Variants in PEAK1 observed in about 807,000 individuals in gnomAD.
PEAK1 encodes the protein inactive tyrosine-protein kinase PEAK1.
In PEAK1, 54 loss-of-function variants were observed where a neutral mutation model predicts 124.7. That is an observed-to-expected ratio of 0.43 (90% CI 0.35 to 0.54). The LOEUF is 0.54. Ranked by LOEUF, PEAK1 falls within the 20% of genes least tolerant of loss-of-function variation. PEAK1 has a pLI of 0.01. For missense variants in PEAK1, 2,046 were observed against 2,134.5 expected, an observed-to-expected ratio of 0.96 and a Z score of 0.82; for synonymous variants, 719 against 760.0, an observed-to-expected ratio of 0.95 and a Z score of 0.89.
intron 8 of PEAK1, among the ~76,000 whole-genome samples, chr15:77,151,391 T>C (rs1039401752): frequency 1.3e-5 from 2 of 152,248 alleles, no homozygotes; most frequent in Non-Finnish European, 2.9e-5. Context: ...TTTGAGTTCA[T>C]TGTAGATTCT....
intron 2 of PEAK1, chr15:77,351,026 T>C (rs2067176729): frequency 1.2e-6 from 1 of 850,664 alleles, no homozygotes; most frequent in Non-Finnish European, 1.4e-6. Context: ...AGAAATACCA[T>C]GCTGAATCAA....
intron 5 of PEAK1, chr15:77,278,871 C>G (rs1422690925): frequency 3.6e-6 from 1 of 278,056 alleles, no homozygotes; most frequent in African/African-American, 2.8e-5. Context: ...CTCACTCTAT[C>G]GCCCAGGCTG....
At chr15:77,347,624 T>A (rs2066945039) in intron 2 of PEAK1, 1 of 984,540 alleles carries the variant, frequency 1.0e-6, no homozygotes, top group African/African-American at 1.7e-5. Context: ...CCAGAGACTT[T>A]AAAAAAATTT....
intron 8 of PEAK1, among the ~76,000 whole-genome samples, chr15:77,141,854 A>T (rs2053815092): frequency 6.6e-6 from 1 of 152,160 alleles, no homozygotes; most frequent in South Asian, 2.1e-4. Flanking sequence ...AAATGTATGA[A>T]AAATTTAAAT....
intron 9 of PEAK1, among the ~76,000 whole-genome samples, chr15:77,125,431 C>T (rs2052289510): frequency 1.3e-5 from 2 of 151,924 alleles, no homozygotes; most frequent in African/African-American, 4.8e-5. Flanking sequence ...AAGGAATAAC[C>T]AACTTTTACT....
chr15:77,262,155 A>G (rs980447677), intron 5 of PEAK1, among the ~76,000 whole-genome samples: 4 of 152,230 alleles, frequency 2.6e-5, no homozygotes, highest in African/African-American at 9.6e-5. Flanking sequence ...CTGCAAAAAC[A>G]TGTCAAACTG....
chr15:77,134,200 G>A (rs1318073320), intron 8 of PEAK1, among the ~76,000 whole-genome samples: 2 of 152,222 alleles, frequency 1.3e-5, no homozygotes, highest in Non-Finnish European at 2.9e-5. Flanking sequence ...CTAGCAATGT[G>A]ACCATTAGAC....
At chr15:77,365,398 C>A (rs141535437) in intron 1 of PEAK1, among the ~76,000 whole-genome samples, 173 bp from the exon 2 acceptor site, 31 of 152,310 alleles carry the variant, frequency 2.0e-4, no homozygotes, top group Non-Finnish European at 3.7e-4. Flanking sequence ...TTCTCCTGGA[C>A]TTTCTATTGC....
chr15:77,368,073 T>C (rs747438338), intron 1 of PEAK1, among the ~76,000 whole-genome samples: 2 of 152,200 alleles, frequency 1.3e-5, no homozygotes, highest in Non-Finnish European at 2.9e-5. Flanking sequence ...TTCCTGAAAA[T>C]AAGCTTAAAT....
chr15:77,286,449 C>A lies in PEAK1; in HGVS notation c.-547G>T. ...TGGTTTAATTGGCTCCAACTCTGGG[C>A]ATTATGTTGTTGCTTCCTTTTCTTT... On this transcript the variant is annotated 5_prime_UTR_variant, in exon 3 of 10. An upstream start codon of the reference 5' UTR is lost. Transcript: ENST00000682557. The A allele has an allele frequency of 8.1e-7, 1 of 1,228,996 alleles. No individual in the cohort carries two copies. Among genetic ancestry groups the A allele is most frequent in the Non-Finnish European group, 1.0e-6 (1 of 985,714 alleles). 76.1% of individuals were successfully genotyped at this position (1,228,996 alleles called of 1,614,324 possible).
chr15:77,278,820 A>G (rs1205367356), intron 5 of PEAK1: 7 of 323,586 alleles, frequency 2.2e-5, no homozygotes, highest in Non-Finnish European at 4.1e-5. Flanking sequence ...ATAAAAATGC[A>G]AAATTTTGTG....
At chr15:77,420,567 C>T (rs1025784950), upstream of PEAK1, 4 of 284,098 alleles carry the variant, frequency 1.4e-5, no homozygotes, top group Non-Finnish European at 2.6e-5. Flanking sequence ...TTTTCGAGGA[C>T]GCTAATATGT....
At chr15:77,347,148 A>C (rs1261319393) in intron 2 of PEAK1, 21 of 876,026 alleles carry the variant, frequency 2.4e-5, no homozygotes, top group Non-Finnish European at 2.9e-5. Flanking sequence ...AGACAAAAGA[A>C]GGCCAGTGTA....
intron 5 of PEAK1, among the ~76,000 whole-genome samples, chr15:77,263,630 A>G (rs181368052): frequency 3.3e-5 from 5 of 152,326 alleles, no homozygotes; most frequent in African/African-American, 1.2e-4. Flanking sequence ...ACTAACCAAA[A>G]AAAGGCCAGG....
chr15:77,384,102 G>C (rs142434834), intron 1 of PEAK1, among the ~76,000 whole-genome samples: 253 of 152,164 alleles, frequency 1.7e-3, no homozygotes, highest in African/African-American at 5.9e-3. Context: ...ATTTACCTGA[G>C]GGAGGGTATG....
rs766713128 is a variant in PEAK1 at position 77,288,442 on chromosome 15, C to G, written c.-602-1938G>C. Among the ~76,000 whole-genome samples the G allele has an allele frequency of 2.6e-5, 4 of 152,206 alleles. No individual in the cohort carries two copies. In the East Asian group the frequency reaches 7.7e-4, roughly 29 times the overall value. ...ATACTTCTCTACACCACCAAGCTCA[C>G]ATATCATTGCAACAAGCACTCAGGA... On this transcript the variant is annotated intron_variant, in intron 2 of 9. Coordinates refer to ENST00000682557, the MANE Select transcript of PEAK1 (RefSeq NM_001385026.1).
At chr15:77,281,681 A>C (rs2062683215) in intron 5 of PEAK1, among the ~76,000 whole-genome samples, 1 of 152,180 alleles carries the variant, frequency 6.6e-6, no homozygotes, top group Non-Finnish European at 1.5e-5. Context: ...TTTGTACAGG[A>C]GAATAATTTT....
At chr15:77,157,374 A>G (rs1424533747) in intron 8 of PEAK1, 2 of 152,270 alleles carry the variant, frequency 1.3e-5, no homozygotes, top group African/African-American at 2.4e-5. Flanking sequence ...TCATGGAAGA[A>G]GAGCACTGAG....
chr15:77,305,344 CA>C (rs769022187), intron 2 of PEAK1, among the ~76,000 whole-genome samples: 102 of 151,932 alleles, frequency 6.7e-4, no homozygotes, highest in Non-Finnish European at 1.3e-3. Context: ...AACAAGGAAA[CA>C]AAAGAGCAGA....
Sources: gnomAD v4.1 joint callset for allele counts (sites outside exome capture counted in the v4.1 genomes callset) on GRCh38, gnomAD v4.1.1 for gene constraint, MANE v1.5 for transcripts, NCBI Gene and HGNC (gene_info 2026-07-23, HGNC 2026-07-21) for gene names.